MANSC4: variants seen among roughly 807,000 people sequenced by gnomAD.
The protein encoded by MANSC4 is MANSC domain-containing protein 4.
MANSC4 carries 11 observed loss-of-function variants against 11.4 expected under a neutral mutation model. That is an observed-to-expected ratio of 0.97 (90% CI 0.61 to 1.60). The LOEUF is 1.60. Ranked by LOEUF, MANSC4 falls within the 40% of genes most tolerant of loss-of-function variation. The pLI, the probability that MANSC4 is intolerant of heterozygous loss-of-function variation, is 0.00. For missense variants in MANSC4, 354 were observed against 404.6 expected (o/e 0.88, Z 1.07); for synonymous variants, 123 against 147.1 (o/e 0.84, Z 1.19).
intron 3 of MANSC4, among the ~76,000 whole-genome samples, chr12:27,764,784 G>C (rs2062064880): frequency 6.6e-6 from 1 of 152,006 alleles, no homozygotes; most frequent in Non-Finnish European, 1.5e-5. Flanking sequence ...CATTACCTCT[G>C]CCTCCTTCTC....
intron 2 of MANSC4, among the ~76,000 whole-genome samples, chr12:27,768,103 A>G (rs1159845902): frequency 6.6e-6 from 1 of 152,190 alleles, no homozygotes; most frequent in Non-Finnish European, 1.5e-5. Context: ...TTTGCTTTTT[A>G]AAACATGTTC....
intron 1 of MANSC4, among the ~76,000 whole-genome samples, chr12:27,777,687 T>A (rs1374386828): frequency 1.3e-5 from 2 of 152,238 alleles, no homozygotes; most frequent in African/African-American, 2.4e-5. Flanking sequence ...GAGTAAGTCA[T>A]AGATCCATTT....
chr12:27,768,738 T>C (rs957647674), intron 2 of MANSC4, among the ~76,000 whole-genome samples: 1 of 151,120 alleles, frequency 6.6e-6, no homozygotes, highest in Admixed American at 6.6e-5. Flanking sequence ...GCGATTCTCC[T>C]GCCTTACTTA....
Position 27,771,211 on chromosome 12 carries a change from A to T in MANSC4, c.66T>A (p.Ser22=), listed in dbSNP as rs2062099407. The change falls in exon 2 of 4, where the codon TCT becomes TCA. Residue 22 remains serine (S), a synonymous_variant. Coordinates refer to ENST00000381273, the MANE Select transcript of MANSC4 (RefSeq NM_001146221.5). The part of the protein sequence containing the change: ...LLLSMGWTSD[S]LCSPTIFYRD... ...TGTAAAAAATTGTGGGTGAGCAGAG[A>T]GAGTCTGATGTCCACCCCATGCTTA... 1 of 1,551,862 alleles carries T rather than the reference A, an allele frequency of 6.4e-7. No homozygotes were observed. Among genetic ancestry groups the T allele is most frequent in the East Asian group, 2.4e-5 (1 of 40,938 alleles).
rs375307812 is a variant in MANSC4 at position 27,766,170 on chromosome 12, C to T, written c.364+495G>A. ...GCAATCTCCGCCTCCCAGGTTCAAG[C>T]GATTCTCCTGCCTCAGCCTCCTGAG... On this transcript the variant is annotated intron_variant, in intron 3 of 3. Transcript: ENST00000381273. Among the ~76,000 whole-genome samples, 114 of 151,858 alleles carry T rather than the reference C, an allele frequency of 7.5e-4. 2 individuals are homozygous for T. The highest frequency in any genetic ancestry group is 2.7e-3 in the African/African-American group (112 of 41,378).
At chr12:27,778,096 A>G (rs1261956431) in intron 1 of MANSC4, among the ~76,000 whole-genome samples, 71 of 151,856 alleles carry the variant, frequency 4.7e-4, no homozygotes, top group Admixed American at 4.7e-3. Flanking sequence ...GTGGTGGCTC[A>G]TGCCTGGAAT....
At chr12:27,766,540 A>G in intron 3 of MANSC4, 125 bp downstream of exon 3, 2 of 1,143,746 alleles carry the variant, frequency 1.7e-6, no homozygotes, top group Non-Finnish European at 1.2e-6. Context: ...ATTTTTCCCA[A>G]GTTCACTGGA....
chr12:27,763,811 G>A (rs4931405), intron 3 of MANSC4, among the ~76,000 whole-genome samples: 86,303 of 151,708 alleles, frequency 0.57, 25,193 homozygotes, highest in African/African-American at 0.71. Context: ...GCTCACTGCA[G>A]CCTCTGCCTC....
chr12:27,763,352 G>T lies in MANSC4; in HGVS notation c.409C>A (p.Leu137Ile), dbSNP rs372639325. Residue 137 changes from leucine to isoleucine, a missense_variant, in exon 4 of 4, where the codon CTA (leucine) becomes ATA (isoleucine). Leu to Ile is a conservative substitution (Grantham distance 5, BLOSUM62 2). Transcript: ENST00000381273. The stretch of plus-strand genomic sequence containing the variant: ...CTATTGGATGAAGAACGAGTATTTA[G>T]ATATGTGGGAGATTGTTCAAAAACC... Reference protein sequence around the residue: ...LLVFEQSPTYLNTRSSSNRWD... With the variant: ...LLVFEQSPTYINTRSSSNRWD... 2.4e-4 allele frequency: 370 copies of T among 1,551,578 alleles called. 2 individuals are homozygous for T. In the South Asian group the frequency reaches 4.0e-3, roughly 17 times the overall value.
At chr12:27,779,478 C>G (rs564473621) in intron 1 of MANSC4, among the ~76,000 whole-genome samples, 12 of 152,296 alleles carry the variant, frequency 7.9e-5, no homozygotes, top group Admixed American at 7.8e-4. Flanking sequence ...TGCCTCCCAA[C>G]CCGATTCCTC....
At position 27,762,832 on chromosome 12, in the gene MANSC4, C is replaced by G; in HGVS notation, c.929G>C (p.Cys310Ser). ...CCIVILASGC[C>S]GKQQGQYKPG... is the part of the protein sequence containing the mutation. ...TTTATACTGGCCCTGCTGCTTTCCA[C>G]AGCATCCAGATGCCAGGATGACTAT... Residue 310 changes from cysteine (C) to serine (S), a missense_variant, in exon 4 of 4, where the codon TGT (cysteine) becomes TCT (serine). Coordinates refer to ENST00000381273, the MANE Select transcript of MANSC4 (RefSeq NM_001146221.5). 1 of 1,551,916 alleles carries G rather than the reference C, an allele frequency of 6.4e-7. No individual in the cohort carries two copies. The highest frequency in any genetic ancestry group is 8.7e-7 in the Non-Finnish European group (1 of 1,147,054).
At chr12:27,768,097 C>A (rs1468074390) in intron 2 of MANSC4, among the ~76,000 whole-genome samples, 1 of 152,062 alleles carries the variant, frequency 6.6e-6, no homozygotes, top group South Asian at 2.1e-4. Context: ...AGCAAATTTG[C>A]TTTTTAAAAC....
intron 1 of MANSC4, among the ~76,000 whole-genome samples, chr12:27,772,045 A>C (rs576412721): frequency 2.0e-5 from 3 of 148,838 alleles, no homozygotes; most frequent in African/African-American, 7.2e-5. Flanking sequence ...CCTGTCCCAG[A>C]AAAATCAAAC....
chr12:27,767,361 AT>A (rs1461460325), intron 2 of MANSC4, among the ~76,000 whole-genome samples: 3 of 152,076 alleles, frequency 2.0e-5, no homozygotes, highest in Non-Finnish European at 4.4e-5. Flanking sequence ...ATCATTCATT[AT>A]TTCCTGGTCC....
chr12:27,766,286 T>C (rs1226250337), intron 3 of MANSC4, among the ~76,000 whole-genome samples: 1 of 152,204 alleles, frequency 6.6e-6, no homozygotes, highest in Admixed American at 6.5e-5. Context: ...CAGGATGTTC[T>C]CGATCTCTTG....
At chr12:27,773,231 A>C (rs907014988) in intron 1 of MANSC4, among the ~76,000 whole-genome samples, 1 of 152,198 alleles carries the variant, frequency 6.6e-6, no homozygotes, top group Non-Finnish European at 1.5e-5. Flanking sequence ...GAAACAAAAA[A>C]CAAACAAACA....
At chr12:27,778,876 C>T (rs1422383078) in intron 1 of MANSC4, among the ~76,000 whole-genome samples, 1 of 152,200 alleles carries the variant, frequency 6.6e-6, no homozygotes, top group African/African-American at 2.4e-5. Context: ...AACAAGTGGT[C>T]TCTCTTTTCC....
chr12:27,769,099 C>T (rs769037970), intron 2 of MANSC4, among the ~76,000 whole-genome samples: 6 of 152,098 alleles, frequency 3.9e-5, no homozygotes, highest in East Asian at 1.9e-4. Context: ...CTCATGTTGC[C>T]GCACTCTATT....
At chr12:27,772,124 A>C (rs2062103391) in intron 1 of MANSC4, among the ~76,000 whole-genome samples, 1 of 152,230 alleles carries the variant, frequency 6.6e-6, no homozygotes, top group Non-Finnish European at 1.5e-5. Flanking sequence ...AATAGTAATA[A>C]AATCATTTCA....
Sources: gnomAD v4.1 joint callset for allele counts (sites outside exome capture counted in the v4.1 genomes callset) on GRCh38, gnomAD v4.1.1 for gene constraint, MANE v1.5 for transcripts, NCBI Gene and HGNC (gene_info 2026-07-23, HGNC 2026-07-21) for gene names.